The following CRELD2 variants were observed in gnomAD, a reference collection of about 807,000 sequenced individuals.
The protein encoded by CRELD2 is CRELD disulfide isomerase 2.
In CRELD2, 33 loss-of-function variants were observed where a neutral mutation model predicts 48.1. That is an observed-to-expected ratio of 0.69 (90% CI 0.52 to 0.92). The LOEUF is 0.92. Ranked by LOEUF, CRELD2 falls within the 40% of genes least tolerant of loss-of-function variation. CRELD2 has a pLI of 0.00. For synonymous variants in CRELD2, 220 were observed against 203.9 expected (o/e 1.08, Z -0.67); for missense variants, 477 against 482.4 (o/e 0.99, Z 0.10).
At position 49,925,564 on chromosome 22, in the gene CRELD2, G is replaced by A; in HGVS notation, c.1009+7G>A. 1 of 1,613,120 alleles carries A rather than the reference G, an allele frequency of 6.2e-7. No homozygotes were observed. The highest frequency in any genetic ancestry group is 8.5e-7 in the Non-Finnish European group (1 of 1,179,998). Reference sequence around the variant, plus strand: ...GTGCCGCCGGCAGAGGCTGGTGAGTGGCACGGCTGCCCTCCACACAGGCTG... The same window carrying A: ...GTGCCGCCGGCAGAGGCTGGTGAGTAGCACGGCTGCCCTCCACACAGGCTG... On this transcript the variant is annotated splice_region_variant and intron_variant, in intron 9 of 9. Coordinates refer to ENST00000328268, the MANE Select transcript of CRELD2 (RefSeq NM_024324.5).
chr22:49,923,891 AT>A, intron 7 of CRELD2: 1 of 242,394 alleles, frequency 4.1e-6, no homozygotes, highest in South Asian at 4.7e-5. Context: ...AGTTGTGCTG[AT>A]CCCCAGTCCC....
chr22:49,924,796 G>C (rs1305043313), intron 8 of CRELD2: 1 of 197,594 alleles, frequency 5.1e-6, no homozygotes, highest in Non-Finnish European at 1.0e-5. Flanking sequence ...ATGGTTGTGG[G>C]CTGCCTGGGT....
rs1448509276 is a variant in CRELD2 at position 49,924,405 on chromosome 22, A to G, written c.818A>G (p.Asn273Ser). 3 of 1,612,618 alleles carry G rather than the reference A, an allele frequency of 1.9e-6. No homozygotes were observed. The highest frequency in any genetic ancestry group is 2.5e-6 in the Non-Finnish European group (3 of 1,179,552). ...CVGCTGEGPG[N>S]CKECISGYAR... ...GGCTGCACAGGGGAAGGCCCAGGAA[A>G]CTGTAAAGAGTGTATCTCTGGCTAC... Residue 273 changes from asparagine (N) to serine (S), a missense_variant, in exon 8 of 10, where the codon AAC (asparagine) becomes AGC (serine). Physicochemically the swap from Asn to Ser is conservative, Grantham distance 46 (BLOSUM62 1). Transcript: ENST00000328268.
Position 49,923,254 on chromosome 22 carries a change from G to A in CRELD2, c.709G>A (p.Glu237Lys), listed in dbSNP as rs143760812. 4.6e-4 allele frequency: 725 copies of A among 1,592,566 alleles called. 3 individuals carry two copies. In the African/African-American group the frequency reaches 7.6e-3, roughly 17 times the overall value. ...TCCAGATGTGGACGAGTGTGCGGCC[G>A]AGCCGCCTCCCTGCAGCGCTGCGCA... ...ACVDVDECAA[E>K]PPPCSAAQFC... The change falls in exon 7 of 10, where the codon GAG (glutamate) becomes AAG (lysine). Residue 237 changes from glutamate (E) to lysine (K), a missense_variant. Physicochemically the swap from Glu to Lys is moderately conservative, Grantham distance 56. Coordinates refer to ENST00000328268, the MANE Select transcript of CRELD2 (RefSeq NM_024324.5).
chr22:49,923,366 G>A (rs764879447), intron 7 of CRELD2, 49 bp downstream of exon 7: 7 of 1,363,184 alleles, frequency 5.1e-6, no homozygotes, highest in Middle Eastern at 1.8e-4. Context: ...GGGTTTCGTT[G>A]CTGCCTTTGT....
intron 5 of CRELD2, 66 bp from the exon 6 acceptor site, chr22:49,922,546 C>G: frequency 6.7e-7 from 1 of 1,481,686 alleles, no homozygotes; most frequent in Non-Finnish European, 9.1e-7. Context: ...CACTTTTAAA[C>G]GAGCCTTGTC....
At position 49,927,390 on chromosome 22, in the gene CRELD2, C is replaced by A; in HGVS notation, c.*83C>A. The A allele has an allele frequency of 8.7e-7, 1 of 1,151,586 alleles. No individual in the cohort carries two copies. Among genetic ancestry groups the A allele is most frequent in the Non-Finnish European group, 1.3e-6 (1 of 761,082 alleles). 71.3% of individuals were successfully genotyped at this position (1,151,586 alleles called of 1,614,324 possible). A position where few individuals can be genotyped will look rare whatever the true frequency, so the allele number is the denominator to read the frequency against. ...TGAGGATGCCGTCTCCTGCAGTGGA[C>A]AGCGGCGGGGAGAGGCTGCCTGCTC... On this transcript the variant is annotated 3_prime_UTR_variant, in exon 10 of 10. Coordinates refer to ENST00000328268, the MANE Select transcript of CRELD2 (RefSeq NM_024324.5).
chr22:49,922,037 T>C (rs2060693617), intron 5 of CRELD2: 6 of 600,242 alleles, frequency 1.0e-5, no homozygotes, highest in South Asian at 8.4e-5. Context: ...TGATGGGCCA[T>C]GCAGTGCACA....
At position 49,925,542 on chromosome 22, in the gene CRELD2, C is replaced by T; in HGVS notation, c.994C>T (p.Pro332Ser). The T allele has an allele frequency of 6.2e-7, 1 of 1,613,664 alleles. No individual in the cohort carries two copies. Reference protein sequence around the residue: ...GFEETEDACVPPAEAEATEGE... With the variant: ...GFEETEDACVSPAEAEATEGE... The stretch of plus-strand genomic sequence containing the variant: ...CGAAGAAACGGAAGATGCCTGTGTG[C>T]CGCCGGCAGAGGCTGGTGAGTGGCA... The change falls in exon 9 of 10, where the codon CCG becomes TCG. Residue 332 changes from proline (P) to serine (S), a missense_variant. Pro to Ser is a moderately conservative substitution (Grantham distance 74, BLOSUM62 -1). Coordinates refer to ENST00000328268, the MANE Select transcript of CRELD2 (RefSeq NM_024324.5).
intron 9 of CRELD2, chr22:49,925,807 A>G: frequency 7.8e-7 from 1 of 1,279,286 alleles, no homozygotes; most frequent in Non-Finnish European, 1.0e-6. Context: ...GAAGTCTCTG[A>G]AGCTCAGACC....
At chr22:49,919,341 C>T (rs750759716) in intron 2 of CRELD2, 29 bp downstream of exon 2, 30 of 1,599,592 alleles carry the variant, frequency 1.9e-5, no homozygotes, top group Non-Finnish European at 2.5e-5. Flanking sequence ...CCCTGTGGGT[C>T]TTGGCCTGGC....
rs1280663241 is a variant in CRELD2, at chr22:49,927,425, T to G, written c.*118T>G. On this transcript the variant is annotated 3_prime_UTR_variant, in exon 10 of 10. Coordinates refer to ENST00000328268, the MANE Select transcript of CRELD2 (RefSeq NM_024324.5). ...GAGAGGCTGCCTGCTCTCTAACGGT[T>G]GATTCTCATTTGTCCCTTAAACAGC... is the stretch of plus-strand genomic sequence containing the variant. 2 of 788,090 alleles carry G rather than the reference T, an allele frequency of 2.5e-6. No homozygotes were observed. The highest frequency in any genetic ancestry group is 4.5e-6 in the Non-Finnish European group (2 of 441,962). 48.8% of individuals were successfully genotyped at this position (788,090 alleles called of 1,614,324 possible).
chr22:49,919,449 G>A (rs1020907998), intron 2 of CRELD2, 137 bp downstream of exon 2: 2 of 790,466 alleles, frequency 2.5e-6, no homozygotes, highest in Non-Finnish European at 4.2e-6. Flanking sequence ...GAGTCACCTC[G>A]GCTTCTCCCT....
chr22:49,919,024 A>G (rs149698991), intron 1 of CRELD2, 126 bp downstream of exon 1: 84,075 of 861,094 alleles, frequency 0.098, 5,180 homozygotes, highest in South Asian at 0.2. Context: ...CTCACCCTGG[A>G]TTCGGGATCC....
chr22:49,921,517 C>T, intron 4 of CRELD2, 68 bp from the exon 5 acceptor site: 5 of 1,518,152 alleles, frequency 3.3e-6, no homozygotes, highest in Non-Finnish European at 4.5e-6. Context: ...CATGCGTTCT[C>T]TCCGTGTGAG....
At chr22:49,926,495 A>G (rs987633969) in intron 9 of CRELD2, 1 of 152,390 alleles carries the variant, frequency 6.6e-6, no homozygotes, top group Admixed American at 6.5e-5. Flanking sequence ...CGTAGTAAAC[A>G]GCAACAGCAA....
At position 49,921,707 on chromosome 22, in the gene CRELD2, T is replaced by C. The variant is rs1601841006; in HGVS notation, c.538T>C (p.Cys180Arg). 1 of 1,612,972 alleles carries C rather than the reference T, an allele frequency of 6.2e-7. No individual in the cohort carries two copies. The highest frequency in any genetic ancestry group is 8.5e-7 in the Non-Finnish European group (1 of 1,179,966). Reference sequence around the variant, plus strand: ...GTACCAGGGCCCGCTGTGCACTGACTGCATGGACGGCTACTTCAGCTCGCT... The same window carrying C: ...GTACCAGGGCCCGCTGTGCACTGACCGCATGGACGGCTACTTCAGCTCGCT... The part of the protein sequence containing the change: ...MGYQGPLCTD[C>R]MDGYFSSLRN... Residue 180 changes from cysteine (C) to arginine (R), a missense_variant, in exon 5 of 10, where the codon TGC (cysteine) becomes CGC (arginine). By Grantham distance (180) the Cys-to-Arg change is radical. Transcript: ENST00000328268.
Position 49,921,759 on chromosome 22 carries a change from C to T in CRELD2, c.590C>T (p.Thr197Ile), listed in dbSNP as rs1052337179. 1.4e-5 allele frequency: 23 copies of T among 1,609,094 alleles called. No homozygotes were observed. Among genetic ancestry groups the T allele is most frequent in the Non-Finnish European group, 2.0e-5 (23 of 1,177,322 alleles). The change falls in exon 5 of 10, where the codon ACA becomes ATA. Residue 197 changes from threonine (T) to isoleucine (I), a missense_variant and splice_region_variant. Coordinates refer to ENST00000328268, the MANE Select transcript of CRELD2 (RefSeq NM_024324.5). ...CGGAACGAGACCCACAGCATCTGCACAGGTACGGGCTACGCCTGGGCTGGC... is the reference window on the plus strand; with the variant it reads ...CGGAACGAGACCCACAGCATCTGCATAGGTACGGGCTACGCCTGGGCTGGC... ...SLRNETHSIC[T>I]ACDESCKTCS...
intron 8 of CRELD2, 68 bp from the exon 9 acceptor site, chr22:49,925,349 T>C: frequency 3.9e-6 from 4 of 1,027,088 alleles, no homozygotes; most frequent in Non-Finnish European, 5.9e-6. Flanking sequence ...TCTGAATGAA[T>C]GAATTTCATA....
Sources: allele counts gnomAD v4.1 joint callset, GRCh38; gene constraint gnomAD v4.1.1; transcripts MANE v1.5; gene names NCBI Gene and HGNC (gene_info 2026-07-23, HGNC 2026-07-21).